The following CYFIP1 variants were observed in gnomAD, a reference collection of about 807,000 sequenced individuals.
CYFIP1 encodes the protein cytoplasmic FMR1-interacting protein 1.
In CYFIP1, 58 loss-of-function variants were observed where a neutral mutation model predicts 163.5. That is an observed-to-expected ratio of 0.35 (90% CI 0.29 to 0.44). The LOEUF (loss-of-function observed/expected upper bound fraction) is 0.44. Among genes scored for constraint, CYFIP1 ranks in the 20% least tolerant of loss-of-function variants. The pLI is 1.00. For missense variants in CYFIP1, 1,338 were observed against 1,653.8 expected, an observed-to-expected ratio of 0.81 and a Z score of 3.31; for synonymous variants, 663 against 660.7, an observed-to-expected ratio of 1.00 and a Z score of -0.05.
intron 1 of CYFIP1, among the ~76,000 whole-genome samples, chr15:22,947,584 A>G (rs2062102995): frequency 6.6e-6 from 1 of 151,820 alleles, no homozygotes; most frequent in South Asian, 2.1e-4. Flanking sequence ...CCTTCCCACC[A>G]TGGGGGCCGC....
chr15:22,926,145 A>G, intron 12 of CYFIP1, 38 bp from the exon 13 acceptor site: 1 of 1,612,172 alleles, frequency 6.2e-7, no homozygotes, highest in Non-Finnish European at 8.5e-7. Context: ...TCCATATTGC[A>G]TGCAAAACGC....
intron 1 of CYFIP1, among the ~76,000 whole-genome samples, chr15:22,962,954 T>G (rs1489210959): frequency 6.6e-6 from 1 of 152,180 alleles, no homozygotes; most frequent in African/African-American, 2.4e-5. Context: ...TTGGCTGTCA[T>G]GACCTCTGAG....
intron 6 of CYFIP1, among the ~76,000 whole-genome samples, chr15:22,941,543 G>C (rs1054816435): frequency 6.6e-6 from 1 of 151,632 alleles, no homozygotes; most frequent in Non-Finnish European, 1.5e-5. Flanking sequence ...AGCTAGATGC[G>C]TGTGTGTGTG....
intron 26 of CYFIP1, among the ~76,000 whole-genome samples, chr15:22,875,713 CA>C (rs1490418028): frequency 6.6e-6 from 1 of 151,816 alleles, no homozygotes; most frequent in African/African-American, 2.4e-5. Context: ...GCGTCTCCTG[CA>C]AACAACACAG....
chr15:22,937,901 G>A lies in CYFIP1; in HGVS notation c.796-693C>T, dbSNP rs576962689. Reference sequence around the variant, plus strand: ...TTACAGGCATGAGCCACCGTGCCCAGTCACAAACTAAAAATTCTTAACGTG... The same window carrying A: ...TTACAGGCATGAGCCACCGTGCCCAATCACAAACTAAAAATTCTTAACGTG... On this transcript the variant is annotated intron_variant, in intron 8 of 30. Coordinates refer to ENST00000617928, the MANE Select transcript of CYFIP1 (RefSeq NM_014608.6). Among the ~76,000 whole-genome samples, 39 of 152,300 alleles carry A rather than the reference G, an allele frequency of 2.6e-4. No individual in the cohort carries two copies. In the East Asian group the frequency reaches 7.5e-3, roughly 29 times the overall value.
At chr15:22,910,120 T>C (rs1252111852) in intron 20 of CYFIP1, among the ~76,000 whole-genome samples, 1 of 152,206 alleles carries the variant, frequency 6.6e-6, no homozygotes, top group African/African-American at 2.4e-5. Context: ...GGCATGCTGA[T>C]ATCTAAACCT....
chr15:22,944,324 G>A (rs1317615533), intron 5 of CYFIP1, among the ~76,000 whole-genome samples: 2 of 151,276 alleles, frequency 1.3e-5, no homozygotes, highest in Non-Finnish European at 2.9e-5. Flanking sequence ...GCTCCATGAA[G>A]GAAACATAAA....
intron 11 of CYFIP1, among the ~76,000 whole-genome samples, chr15:22,928,796 T>C (rs968962750): frequency 6.6e-6 from 1 of 152,082 alleles, no homozygotes; most frequent in African/African-American, 2.4e-5. Flanking sequence ...CAGAATTAAA[T>C]GAGATCGGAA....
In CYFIP1 at chr15:22,917,595, G is replaced by A. The variant is rs1036244573; in HGVS notation, c.1674+193C>T. 1.5e-6 allele frequency: 1 copy of A among 673,202 alleles called. No homozygotes were observed. 41.7% of individuals were successfully genotyped at this position (673,202 alleles called of 1,614,324 possible). A position where few individuals can be genotyped will look rare whatever the true frequency, so the allele number is the denominator to read the frequency against. ...TGCACATGACACATCTGACAATCAAGGCACGTCTCCTCACGCTCCCAACTC... is the reference window on the plus strand; with the variant it reads ...TGCACATGACACATCTGACAATCAAAGCACGTCTCCTCACGCTCCCAACTC... On this transcript the variant is annotated intron_variant, in intron 15 of 30. Transcript: ENST00000617928. The surrounding 1 kb of genome is among the most constrained non-coding windows in gnomAD (Gnocchi z 4.2).
intron 4 of CYFIP1, 36 bp downstream of exon 4, chr15:22,944,826 T>C: frequency 6.3e-7 from 1 of 1,589,128 alleles, no homozygotes; most frequent in South Asian, 1.1e-5. Flanking sequence ...CCTGGCAGGG[T>C]GTGGCTGGAG....
At chr15:22,979,828 G>A (rs1399938306) in intron 1 of CYFIP1, among the ~76,000 whole-genome samples, 2 of 152,150 alleles carry the variant, frequency 1.3e-5, no homozygotes, top group African/African-American at 2.4e-5. Context: ...ACAAAAACGG[G>A]TTCAGATCTT....
At chr15:22,924,615 C>T (rs1400835902) in intron 13 of CYFIP1, among the ~76,000 whole-genome samples, 1 of 151,864 alleles carries the variant, frequency 6.6e-6, no homozygotes, top group Non-Finnish European at 1.5e-5. Flanking sequence ...AATGGGCTGG[C>T]ATTTATATTT....
intron 6 of CYFIP1, among the ~76,000 whole-genome samples, chr15:22,942,904 G>C (rs143065389): frequency 1.3e-5 from 2 of 152,284 alleles, no homozygotes; most frequent in East Asian, 3.9e-4. Context: ...TCTTCCCAGG[G>C]GCTCGAAGGT....
intron 1 of CYFIP1, among the ~76,000 whole-genome samples, chr15:22,979,550 C>T (rs1417412259): frequency 6.6e-6 from 1 of 152,218 alleles, no homozygotes; most frequent in Non-Finnish European, 1.5e-5. Flanking sequence ...GCGGAGCTGA[C>T]ACCGTCCAGA....
intron 11 of CYFIP1, among the ~76,000 whole-genome samples, chr15:22,930,197 A>G (rs1467494804): frequency 6.6e-6 from 1 of 151,080 alleles, no homozygotes; most frequent in Non-Finnish European, 1.5e-5. Flanking sequence ...AAAAAAACAC[A>G]CAAAAAACAC....
chr15:22,914,135 T>C (rs1362255657), intron 17 of CYFIP1, among the ~76,000 whole-genome samples: 2 of 152,168 alleles, frequency 1.3e-5, no homozygotes. Flanking sequence ...CTTTCCCCAC[T>C]TCATCTGGGT....
rs1279360808 is a variant in CYFIP1 at position 22,917,635 on chromosome 15, C to CA, written c.1674+152dup. ...GCTCCCAACTCACTTGGGTGGGAAA[C>CA]AGAGGAGCAGCAGAAACCACAGGCG... On this transcript the variant is annotated intron_variant, in intron 15 of 30. Transcript: ENST00000617928. The surrounding 1 kb of genome is among the most constrained non-coding windows in gnomAD (Gnocchi z 4.2). 2 of 934,292 alleles carry CA rather than the reference C, an allele frequency of 2.1e-6. No homozygotes were observed. The highest frequency in any genetic ancestry group is 1.5e-6 in the Non-Finnish European group (1 of 652,394). The allele number at this position is 934,292 out of a possible 1,614,324, so 57.9% of individuals were successfully genotyped here.
At chr15:22,977,875 C>G (rs11263673) in intron 1 of CYFIP1, among the ~76,000 whole-genome samples, 55,851 of 151,614 alleles carry the variant, frequency 0.37, 10,539 homozygotes, top group African/African-American at 0.44. Context: ...GAAAAGAAAA[C>G]AAAGGAGGGA....
At chr15:22,946,656 C>G (rs2062070664) in intron 3 of CYFIP1, 1 of 389,060 alleles carries the variant, frequency 2.6e-6, no homozygotes, top group African/African-American at 2.1e-5. Flanking sequence ...AAAAGCAGAA[C>G]TATAATAACA....
Sources: allele counts gnomAD v4.1 joint callset (sites outside exome capture counted in the v4.1 genomes callset), GRCh38; gene constraint gnomAD v4.1.1; non-coding constraint Gnocchi (gnomAD v3.1); transcripts MANE v1.5; gene names NCBI Gene and HGNC (gene_info 2026-07-23, HGNC 2026-07-21).